GRK5: variants seen among roughly 807,000 people sequenced by gnomAD.
The protein encoded by GRK5 is g protein-coupled receptor kinase GRK5.
GRK5 carries 40 observed loss-of-function variants against 78.4 expected under a neutral mutation model. The ratio of observed to expected loss-of-function variants is 0.51; its 90% CI spans 0.40 to 0.66. The LOEUF is 0.66. Ranked by LOEUF, GRK5 falls within the 30% of genes least tolerant of loss-of-function variation. GRK5 has a pLI of 0.00. For missense variants in GRK5, 598 were observed against 759.9 expected, an observed-to-expected ratio of 0.79 and a Z score of 2.50; for synonymous variants, 289 against 296.8, an observed-to-expected ratio of 0.97 and a Z score of 0.27.
At chr10:119,297,734 C>T (rs767776862) in intron 1 of GRK5, among the ~76,000 whole-genome samples, 65 of 152,202 alleles carry the variant, frequency 4.3e-4, no homozygotes, top group Middle Eastern at 3.2e-3. Context: ...TGATGTAGCG[C>T]GAAGGCCCTT....
At chr10:119,331,258 T>C (rs1215571558) in intron 2 of GRK5, among the ~76,000 whole-genome samples, 9 of 152,224 alleles carry the variant, frequency 5.9e-5, no homozygotes, top group Non-Finnish European at 1.3e-4. Context: ...GATTCTTCTG[T>C]TCTGCCGGAG....
At chr10:119,426,160 T>C (rs998025163) in intron 6 of GRK5, among the ~76,000 whole-genome samples, 3 of 152,194 alleles carry the variant, frequency 2.0e-5, no homozygotes, top group Non-Finnish European at 4.4e-5. Context: ...GTGTCCCCCG[T>C]AGACACTCAG....
rs536620214 is a variant in GRK5 at position 119,341,891 on chromosome 10, G to A, written c.148+15280G>A. 4.7e-4 allele frequency among the ~76,000 whole-genome samples: 71 copies of A among 152,278 alleles called. No individual in the cohort carries two copies. In the South Asian group the frequency reaches 7.9e-3, roughly 17 times the overall value. ...AGAACAGCTGTCGCATGTCAGTTCC[G>A]AAGTAGCCGCTTTTATCAGAAACGG... is the stretch of plus-strand genomic sequence containing the variant. On this transcript the variant is annotated intron_variant, in intron 2 of 15. Transcript: ENST00000392870.
intron 1 of GRK5, among the ~76,000 whole-genome samples, chr10:119,260,707 A>G (rs1490891245): frequency 1.3e-5 from 2 of 151,368 alleles, no homozygotes; most frequent in Admixed American, 6.6e-5. Context: ...TGTTTCAGAG[A>G]GCACAGGGTT....
chr10:119,363,290 A>C (rs1007720899), intron 2 of GRK5, among the ~76,000 whole-genome samples: 3 of 151,976 alleles, frequency 2.0e-5, no homozygotes, highest in Non-Finnish European at 4.4e-5. Flanking sequence ...AAAAAAAAAA[A>C]AAAACAACAA....
intron 1 of GRK5, among the ~76,000 whole-genome samples, chr10:119,311,733 C>T (rs1441138784): frequency 6.6e-6 from 1 of 151,282 alleles, no homozygotes; most frequent in African/African-American, 2.4e-5. Context: ...TTGCAGTGAA[C>T]TGAGATTGCT....
intron 15 of GRK5, among the ~76,000 whole-genome samples, chr10:119,454,705 G>A (rs533082390): frequency 9.8e-5 from 15 of 152,304 alleles, no homozygotes; most frequent in African/African-American, 3.4e-4. Context: ...CCCAGGCAGC[G>A]TAACCCCATG....
intron 1 of GRK5, among the ~76,000 whole-genome samples, chr10:119,213,653 G>C (rs1005738042): frequency 2.6e-5 from 4 of 152,032 alleles, no homozygotes; most frequent in East Asian, 3.8e-4. Flanking sequence ...TTTTGGGGGG[G>C]CAGAGATAAT....
At chr10:119,306,416 T>A (rs1299304359) in intron 1 of GRK5, among the ~76,000 whole-genome samples, 2 of 152,170 alleles carry the variant, frequency 1.3e-5, no homozygotes, top group Non-Finnish European at 2.9e-5. Context: ...TTCTAGGATT[T>A]TCTGAAACTT....
intron 4 of GRK5, among the ~76,000 whole-genome samples, chr10:119,418,515 C>G (rs1852508552): frequency 1.3e-5 from 2 of 152,154 alleles, no homozygotes; most frequent in Admixed American, 6.5e-5. Context: ...TTCAGCTGTC[C>G]CAGAGAGATG....
intron 1 of GRK5, among the ~76,000 whole-genome samples, chr10:119,256,760 C>G (rs925433064): frequency 1.3e-5 from 2 of 152,208 alleles, no homozygotes; most frequent in Admixed American, 6.5e-5. Flanking sequence ...ATATTCTCCA[C>G]TTTAAAGTGT....
chr10:119,351,956 A>T (rs1851191760), intron 2 of GRK5, among the ~76,000 whole-genome samples: 1 of 152,214 alleles, frequency 6.6e-6, no homozygotes, highest in African/African-American at 2.4e-5. Context: ...ACTATGCTAT[A>T]TGGCAATTGA....
intron 6 of GRK5, among the ~76,000 whole-genome samples, chr10:119,429,650 G>A (rs1001695712): frequency 6.6e-6 from 1 of 151,736 alleles, no homozygotes; most frequent in African/African-American, 2.4e-5. Context: ...CGAGGAGTTG[G>A]AAGACGCGAG....
intron 1 of GRK5, among the ~76,000 whole-genome samples, chr10:119,225,660 C>T (rs917480467): frequency 2.9e-4 from 35 of 119,278 alleles, no homozygotes; most frequent in Non-Finnish European, 4.9e-4. Context: ...TGATTTTCTT[C>T]TCTCTCTCTC....
chr10:119,261,230 C>T (rs535416219), intron 1 of GRK5, among the ~76,000 whole-genome samples: 137 of 150,234 alleles, frequency 9.1e-4, no homozygotes, highest in African/African-American at 2.6e-3. Flanking sequence ...ACGGGGCGGC[C>T]GGGCAGAGAC....
intron 1 of GRK5, among the ~76,000 whole-genome samples, chr10:119,240,808 C>T (rs191368379): frequency 1.1e-4 from 17 of 152,116 alleles, no homozygotes; most frequent in Admixed American, 9.2e-4. Context: ...ACTTGAACTC[C>T]TGAGCTCAAG....
At chr10:119,391,493 A>G (rs1851887387) in intron 3 of GRK5, among the ~76,000 whole-genome samples, 1 of 152,190 alleles carries the variant, frequency 6.6e-6, no homozygotes, top group African/African-American at 2.4e-5. Flanking sequence ...TGGGAGGGAA[A>G]TCAGTAGCTG....
chr10:119,347,439 G>A (rs1471946295), intron 2 of GRK5, among the ~76,000 whole-genome samples: 2 of 152,182 alleles, frequency 1.3e-5, no homozygotes, highest in African/African-American at 4.8e-5. Flanking sequence ...ATGTGTCCGT[G>A]CATGTTTGCA....
At chr10:119,296,606 C>G (rs534724720) in intron 1 of GRK5, among the ~76,000 whole-genome samples, 45 of 152,264 alleles carry the variant, frequency 3.0e-4, no homozygotes, top group African/African-American at 9.6e-4. Context: ...CTGTGGAGGA[C>G]GTCATGGTGC....
Sources: gnomAD v4.1 joint callset for allele counts (sites outside exome capture counted in the v4.1 genomes callset) on GRCh38, gnomAD v4.1.1 for gene constraint, MANE v1.5 for transcripts, NCBI Gene and HGNC (gene_info 2026-07-23, HGNC 2026-07-21) for gene names.